CPOX: variants seen among roughly 807,000 people sequenced by gnomAD.
The protein encoded by CPOX is oxygen-dependent coproporphyrinogen-III oxidase, mitochondrial.
Under a neutral mutation model 48.9 loss-of-function variants are expected in CPOX, and 24 were observed. That is an observed-to-expected ratio of 0.49 (90% CI 0.36 to 0.69). CPOX has a LOEUF of 0.69. Ranked by LOEUF, CPOX falls within the 30% of genes least tolerant of loss-of-function variation. The pLI is 0.00. For synonymous variants in CPOX, 249 were observed against 234.6 expected, an observed-to-expected ratio of 1.06 and a Z score of -0.56; for missense variants, 549 against 597.3, an observed-to-expected ratio of 0.92 and a Z score of 0.84.
Position 98,593,598 on chromosome 3 carries a change from G to T in CPOX, c.-94C>A. 1 of 1,322,744 alleles carries T rather than the reference G, an allele frequency of 7.6e-7. No individual in the cohort carries two copies. The highest frequency in any genetic ancestry group is 1.4e-5 in the South Asian group (1 of 72,914). 81.9% of individuals were successfully genotyped at this position (1,322,744 alleles called of 1,614,324 possible). On this transcript the variant is annotated 5_prime_UTR_variant, in exon 1 of 7. Transcript: ENST00000647941. ...CCCCGGAGTATTGAGCCGGCGAGCT[G>T]CACAGGCGGAAAGAACCTTTCGAGA...
intron 1 of CPOX, among the ~76,000 whole-genome samples, chr3:98,591,426 C>T (rs1707476890): frequency 6.6e-6 from 1 of 152,220 alleles, no homozygotes; most frequent in South Asian, 2.1e-4. Flanking sequence ...GAATATTCTC[C>T]CTTCAGATTC....
At position 98,591,081 on chromosome 3, in the gene CPOX, G is replaced by T. The variant is rs749826763; in HGVS notation, c.631C>A (p.His211Asn). 3.1e-6 allele frequency: 5 copies of T among 1,613,884 alleles called. No individual in the cohort carries two copies. The Admixed American group carries it at 8.3e-5, about 27-fold the overall frequency. Residue 211 changes from histidine to asparagine, a missense_variant, in exon 2 of 7, where the codon CAT (histidine) becomes AAT (asparagine). Physicochemically the swap from His to Asn is moderately conservative, Grantham distance 68 (BLOSUM62 1). Coordinates refer to ENST00000647941, the MANE Select transcript of CPOX (RefSeq NM_000097.7). ...EKAGVSISVVHGNLSEEAAKQ... is the reference protein window; with the variant it reads ...EKAGVSISVVNGNLSEEAAKQ... ...GCAGCTTCCTCTGAAAGATTTCCAT[G>T]AACAACAGAAATGCTCACCCCAGCC... is the stretch of plus-strand genomic sequence containing the variant.
the CPOX span, among the ~76,000 whole-genome samples, chr3:98,572,411 G>A: frequency 6.6e-6 from 1 of 151,964 alleles, no homozygotes; most frequent in Non-Finnish European, 1.5e-5. Context: ...TGTCTTAAAG[G>A]TATCTGTTTT....
intron 5 of CPOX, among the ~76,000 whole-genome samples, chr3:98,584,946 T>TA (rs970245838): frequency 7.9e-5 from 12 of 152,248 alleles, no homozygotes; most frequent in Admixed American, 4.6e-4. Flanking sequence ...GCAACAGACT[T>TA]AACTTTCTGA....
At chr3:98,571,687 C>CAAAA in the CPOX span, among the ~76,000 whole-genome samples, 5 of 46,248 alleles carry the variant, frequency 1.1e-4, no homozygotes, top group African/African-American at 4.8e-4. Context: ...GACTCCGTCT[C>CAAAA]AAAAAAAAAA....
Position 98,593,042 on chromosome 3 carries a change from G to T in CPOX, c.463C>A (p.Leu155Met). 1.2e-6 allele frequency: 2 copies of T among 1,613,956 alleles called. No homozygotes were observed. The highest frequency in any genetic ancestry group is 2.2e-5 in the South Asian group (2 of 91,038). Residue 155 changes from leucine to methionine, a missense_variant, in exon 1 of 7, where the codon CTG becomes ATG. By Grantham distance (15) the Leu-to-Met change is conservative. Around this residue, in one of 2 missense-constraint regions of CPOX, gnomAD observed 336 missense variants for 318.1 expected, o/e 1.06. Transcript: ENST00000647941. Reference sequence around the variant, plus strand: ...ACCTGGGCCTGGGTCTCCAGAATCAGCAGCTCCATCTTGGTCTTCATGTCG... The same window carrying T: ...ACCTGGGCCTGGGTCTCCAGAATCATCAGCTCCATCTTGGTCTTCATGTCG... ...PGDMKTKMEL[L>M]ILETQAQVCQ... is the part of the protein sequence containing the mutation.
chr3:98,575,471 T>C (rs1707148180), downstream of CPOX, among the ~76,000 whole-genome samples: 1 of 152,244 alleles, frequency 6.6e-6, no homozygotes, highest in South Asian at 2.1e-4. Context: ...CTTGCTCTGC[T>C]GGTATATGTT....
chr3:98,589,332 A>C (rs1177749894), intron 3 of CPOX, among the ~76,000 whole-genome samples: 1 of 152,150 alleles, frequency 6.6e-6, no homozygotes, highest in Non-Finnish European at 1.5e-5. Context: ...AAAACAAAAT[A>C]AAACAAAACA....
At chr3:98,573,975 C>T in the CPOX span, among the ~76,000 whole-genome samples, 1 of 152,064 alleles carries the variant, frequency 6.6e-6, no homozygotes, top group African/African-American at 2.4e-5. Context: ...TTTCTCTGCC[C>T]CCAGTTCGGT....
rs1321402755 is a variant in CPOX, at chr3:98,593,585, G to A, written c.-81C>T. ...CCCCCACCCAGACCCCCGGAGTATT[G>A]AGCCGGCGAGCTGCACAGGCGGAAA... On this transcript the variant is annotated 5_prime_UTR_variant, in exon 1 of 7. Transcript: ENST00000647941. The A allele has an allele frequency of 5.8e-6, 8 of 1,376,652 alleles. No homozygotes were observed. The African/African-American group carries it at 5.9e-5, about 10-fold the overall frequency. 85.3% of individuals were successfully genotyped at this position (1,376,652 alleles called of 1,614,324 possible). A position where few individuals can be genotyped will look rare whatever the true frequency, so the allele number is the denominator to read the frequency against.
At position 98,591,242 on chromosome 3, in the gene CPOX, G is replaced by A. The variant is rs548088221; in HGVS notation, c.557-87C>T. ...CTTGCATGAAGATGGTTATTTTCCC[G>A]TTTCCCAAATCTTTTATATCAGTGT... On this transcript the variant is annotated intron_variant, in intron 1 of 6. Coordinates refer to ENST00000647941, the MANE Select transcript of CPOX (RefSeq NM_000097.7). 2.8e-5 allele frequency: 40 copies of A among 1,416,552 alleles called. No individual in the cohort carries two copies. In the East Asian group the frequency reaches 3.9e-4, roughly 14 times the overall value. 87.7% of individuals were successfully genotyped at this position (1,416,552 alleles called of 1,614,324 possible).
Position 98,588,737 on chromosome 3 carries a change from T to C in CPOX, c.929A>G (p.Asp310Gly). Residue 310 changes from aspartate to glycine, a missense_variant, in exon 4 of 7, where the codon GAT becomes GGT. Asp to Gly is a moderately conservative substitution (Grantham distance 94, BLOSUM62 -1). This residue lies in a region of CPOX where 213 missense variants were observed against 279.1 expected (regional missense o/e 0.76). Transcript: ENST00000647941. ...LKEACDQHGPDLYPKFKKWCD... is the reference protein window; with the variant it reads ...LKEACDQHGPGLYPKFKKWCD... ...CCATTTTTTAAATTTGGGGTAGAGA[T>C]CTGGACCATGCTGGTCACAAGCCTC... The C allele has an allele frequency of 6.2e-7, 1 of 1,614,198 alleles. No homozygotes were observed. Among genetic ancestry groups the C allele is most frequent in the Non-Finnish European group, 8.5e-7 (1 of 1,180,020 alleles).
chr3:98,591,120 A>C lies in CPOX; in HGVS notation c.592T>G (p.Cys198Gly). Reference sequence around the variant, plus strand: ...CTCACCCCAGCCTTTTCGAAAACACACCCATCTTGAAGTACACAGCTGATG... The same window carrying C: ...CTCACCCCAGCCTTTTCGAAAACACCCCCATCTTGAAGTACACAGCTGATG... The part of the protein sequence containing the change: ...GGISCVLQDG[C>G]VFEKAGVSIS... The change falls in exon 2 of 7, where the codon TGT (cysteine) becomes GGT (glycine). Residue 198 changes from cysteine to glycine, a missense_variant. Transcript: ENST00000647941. The C allele has an allele frequency of 1.2e-6, 2 of 1,614,094 alleles. No individual in the cohort carries two copies. The highest frequency in any genetic ancestry group is 1.7e-6 in the Non-Finnish European group (2 of 1,180,002).
the CPOX span, among the ~76,000 whole-genome samples, chr3:98,572,980 CACAA>C: frequency 6.6e-6 from 1 of 152,158 alleles, no homozygotes; most frequent in East Asian, 1.9e-4. Context: ...TAAAATTACA[CACAA>C]ACAGAGCTTT....
At chr3:98,591,558 A>T (rs1707478974) in intron 1 of CPOX, among the ~76,000 whole-genome samples, 1 of 152,242 alleles carries the variant, frequency 6.6e-6, no homozygotes, top group Non-Finnish European at 1.5e-5. Context: ...ATATTGTTTC[A>T]AAAATTTCTT....
At position 98,579,867 on chromosome 3, in the gene CPOX, T is replaced by C. The variant is rs889013178; in HGVS notation, c.*816A>G. 2.0e-6 allele frequency: 2 copies of C among 985,074 alleles called. No individual in the cohort carries two copies. Among genetic ancestry groups the C allele is most frequent in the Non-Finnish European group, 2.4e-6 (2 of 829,330 alleles). 61.0% of individuals were successfully genotyped at this position (985,074 alleles called of 1,614,324 possible). ...AGAAACATTGCCTAAATTCATGACA[T>C]CCCTAGGATTATTCTTAGTCTCAAC... On this transcript the variant is annotated 3_prime_UTR_variant, in exon 7 of 7. Transcript: ENST00000647941.
rs2107131683 is a variant in CPOX at position 98,591,156 on chromosome 3, C to A, written c.557-1G>T. On this transcript the variant is annotated splice_acceptor_variant, in intron 1 of 6. Coordinates refer to ENST00000647941, the MANE Select transcript of CPOX (RefSeq NM_000097.7). LOFTEE classifies it high-confidence loss of function. ...AGTACACAGCTGATGCCGCCACCTC[C>A]TGTGTATAGAAATGTAAAAAAGGAG... The A allele has an allele frequency of 6.2e-7, 1 of 1,614,134 alleles. No homozygotes were observed. The highest frequency in any genetic ancestry group is 1.1e-5 in the South Asian group (1 of 91,078).
downstream of CPOX, among the ~76,000 whole-genome samples, chr3:98,579,004 C>T (rs1707201610): frequency 6.6e-6 from 1 of 152,176 alleles, no homozygotes; most frequent in Non-Finnish European, 1.5e-5. Flanking sequence ...TGCTTCTTCG[C>T]AGATTTTCTT....
At chr3:98,572,299 A>C in the CPOX span, among the ~76,000 whole-genome samples, 1 of 152,112 alleles carries the variant, frequency 6.6e-6, no homozygotes, top group African/African-American at 2.4e-5. Context: ...ATGCTTTTAG[A>C]TGTGAATTCC....
Sources: gnomAD v4.1 joint callset for allele counts (sites outside exome capture counted in the v4.1 genomes callset) on GRCh38, gnomAD v4.1.1 for gene constraint, gnomAD v4.1.1 regional missense constraint, MANE v1.5 for transcripts, NCBI Gene and HGNC (gene_info 2026-07-23, HGNC 2026-07-21) for gene names.